The following CDYL2 variants were observed in gnomAD, a reference collection of about 807,000 sequenced individuals.
The protein encoded by CDYL2 is chromodomain Y like 2, also known as chromodomain Y-like protein 2.
In CDYL2, 23 loss-of-function variants were observed where a neutral mutation model predicts 49.4. The observed-to-expected ratio is 0.47, with a 90% CI of 0.34 to 0.66. The LOEUF (loss-of-function observed/expected upper bound fraction) is 0.66. Ranked by LOEUF, CDYL2 falls within the 30% of genes least tolerant of loss-of-function variation. The pLI is 0.01. For missense variants in CDYL2, 678 were observed against 656.4 expected (o/e 1.03, Z -0.36); for synonymous variants, 360 against 268.8 (o/e 1.34, Z -3.32).
chr16:80,753,601 T>C (rs1038386021), intron 1 of CDYL2, among the ~76,000 whole-genome samples: 1 of 150,852 alleles, frequency 6.6e-6, no homozygotes, highest in African/African-American at 2.4e-5. Flanking sequence ...AGAGCAAAAC[T>C]CCATCTCAAA....
intron 1 of CDYL2, among the ~76,000 whole-genome samples, chr16:80,772,314 A>G (rs1359262776): frequency 6.6e-6 from 1 of 152,234 alleles, no homozygotes; most frequent in Non-Finnish European, 1.5e-5. Flanking sequence ...GAAAGTCAAA[A>G]GAATAATAAC....
rs758991617 is a variant in CDYL2 at position 80,684,588 on chromosome 16, T to C, written c.566A>G (p.Asp189Gly). 1 of 1,614,164 alleles carries C rather than the reference T, an allele frequency of 6.2e-7. No homozygotes were observed. Among genetic ancestry groups the C allele is most frequent in the Non-Finnish European group, 8.5e-7 (1 of 1,180,020 alleles). The change falls in exon 2 of 7, where the codon GAT (aspartate) becomes GGT (glycine). Residue 189 changes from aspartate (D) to glycine (G), a missense_variant. Asp to Gly is a moderately conservative substitution (Grantham distance 94). This residue lies in a region of CDYL2 where 478 missense variants were observed against 427.0 expected (regional missense o/e 1.12). Coordinates refer to ENST00000570137, the MANE Select transcript of CDYL2 (RefSeq NM_152342.4). ...GTGATTCACGTCACATTCACCCATA[T>C]CTTGCTCTCCAACATGATCATTCAA... ...LDLNDHVGEQ[D>G]MGECDVNHAT...
rs554158839 is a variant in CDYL2, at chr16:80,793,416, G to A, written c.24+10734C>T. ...ACAAGGTCTAGTGGAAGGCAAAATG[G>A]AAACCTGAATTTCAAGGACAATCTG... On this transcript the variant is annotated intron_variant, in intron 1 of 6. Coordinates refer to ENST00000570137, the MANE Select transcript of CDYL2 (RefSeq NM_152342.4). Among the ~76,000 whole-genome samples the A allele has an allele frequency of 5.3e-5, 8 of 152,304 alleles. No individual in the cohort carries two copies. The East Asian group carries it at 1.3e-3, about 26-fold the overall frequency.
intron 1 of CDYL2, among the ~76,000 whole-genome samples, chr16:80,696,335 T>C (rs558890738): frequency 4.0e-5 from 6 of 151,776 alleles, no homozygotes; most frequent in African/African-American, 1.2e-4. Context: ...CTCAAGGAAC[T>C]AGAAAAGCAA....
In CDYL2 at chr16:80,620,786, G is replaced by A. The variant is rs138973238; in HGVS notation, c.984C>T (p.Ser328=). 2.9e-5 allele frequency: 47 copies of A among 1,608,374 alleles called. No individual in the cohort carries two copies. The African/African-American group carries it at 5.6e-4, about 19-fold the overall frequency. ...GRLSSDRRKE[S]TRIAEAIRDF... Reference sequence around the variant, plus strand: ...ACCTGATGGCTTCTGCAATCCGAGTGCTCTCCTTTCGCCGGTCGCTGGACA... The same window carrying A: ...ACCTGATGGCTTCTGCAATCCGAGTACTCTCCTTTCGCCGGTCGCTGGACA... Residue 328 remains serine, a synonymous_variant, in exon 4 of 7, where the codon AGC becomes AGT. Coordinates refer to ENST00000570137, the MANE Select transcript of CDYL2 (RefSeq NM_152342.4).
rs570675161 is a variant in CDYL2 at position 80,600,420 on chromosome 16, C to T, written c.*3968G>A. On this transcript the variant is annotated 3_prime_UTR_variant, in exon 7 of 7. Coordinates refer to ENST00000570137, the MANE Select transcript of CDYL2 (RefSeq NM_152342.4). Reference sequence around the variant, plus strand: ...TTTCAACCAAAATTTGCAGAAATAACTAAGCAACACTTATCTACAACAAAA... The same window carrying T: ...TTTCAACCAAAATTTGCAGAAATAATTAAGCAACACTTATCTACAACAAAA... 1 of 152,214 alleles carries T rather than the reference C, an allele frequency of 6.6e-6. No homozygotes were observed. Among genetic ancestry groups the T allele is most frequent in the African/African-American group, 2.4e-5 (1 of 41,544 alleles). 9.4% of individuals were successfully genotyped at this position (152,214 alleles called of 1,614,324 possible).
At chr16:80,782,863 A>T (rs944503637) in intron 1 of CDYL2, among the ~76,000 whole-genome samples, 5 of 152,172 alleles carry the variant, frequency 3.3e-5, no homozygotes, top group African/African-American at 1.2e-4. Context: ...ACATCATAAA[A>T]GATAATTAAG....
chr16:80,699,110 A>G (rs1047735363), intron 1 of CDYL2, among the ~76,000 whole-genome samples: 2 of 152,202 alleles, frequency 1.3e-5, no homozygotes, highest in African/African-American at 4.8e-5. Context: ...GGTTCCTCAA[A>G]AAAACTAAAA....
chr16:80,757,695 A>G (rs1906361991), intron 1 of CDYL2, among the ~76,000 whole-genome samples: 1 of 151,914 alleles, frequency 6.6e-6, no homozygotes, highest in African/African-American at 2.4e-5. Context: ...GTATATTCAT[A>G]ATAACAACAA....
At chr16:80,722,329 C>T (rs889220903) in intron 1 of CDYL2, among the ~76,000 whole-genome samples, 1 of 152,156 alleles carries the variant, frequency 6.6e-6, no homozygotes, top group Non-Finnish European at 1.5e-5. Context: ...CTAGGTGATT[C>T]TATTATTCAG....
rs972699965 is a variant in CDYL2 at position 80,608,327 on chromosome 16, G to T, written c.1219-92C>A. ...GGGCTTGCCACCTGCAACCATCCCA[G>T]TTCTGGAAGGCATCTTGCCTTCCAG... On this transcript the variant is annotated intron_variant, in intron 5 of 6. Transcript: ENST00000570137. 9.6e-6 allele frequency: 13 copies of T among 1,347,308 alleles called. 1 individual carries two copies. The highest frequency in any genetic ancestry group is 2.6e-4 in the Middle Eastern group (1 of 3,906). 83.5% of individuals were successfully genotyped at this position (1,347,308 alleles called of 1,614,324 possible).
chr16:80,687,934 C>T (rs1910263756), intron 1 of CDYL2, among the ~76,000 whole-genome samples: 2 of 152,278 alleles, frequency 1.3e-5, no homozygotes, highest in South Asian at 2.1e-4. Flanking sequence ...CAGAATGTTC[C>T]TCCACCTTTC....
intron 1 of CDYL2, among the ~76,000 whole-genome samples, chr16:80,796,224 A>G (rs1396121647): frequency 6.6e-6 from 1 of 152,214 alleles, no homozygotes; most frequent in Non-Finnish European, 1.5e-5. Context: ...GGGAAGCCTC[A>G]GTTCTAGTTT....
rs759587403 is a variant in CDYL2, at chr16:80,599,926, G to A, written c.*4462C>T. 1.6e-4 allele frequency: 24 copies of A among 152,226 alleles called. No individual in the cohort carries two copies. The highest frequency in any genetic ancestry group is 2.1e-4 in the South Asian group (1 of 4,826). The allele number at this position is 152,226 out of a possible 1,614,324, so 9.4% of individuals were successfully genotyped here. A position where few individuals can be genotyped will look rare whatever the true frequency, so the allele number is the denominator to read the frequency against. On this transcript the variant is annotated 3_prime_UTR_variant, in exon 7 of 7. Coordinates refer to ENST00000570137, the MANE Select transcript of CDYL2 (RefSeq NM_152342.4). ...CGCCATCAACTCAATCAAACTCTTCGGATTAGCCATGAATTACAGACTGCA... is the reference window on the plus strand; with the variant it reads ...CGCCATCAACTCAATCAAACTCTTCAGATTAGCCATGAATTACAGACTGCA...
intron 1 of CDYL2, among the ~76,000 whole-genome samples, chr16:80,751,013 C>T (rs949276351): frequency 1.6e-5 from 2 of 126,554 alleles, no homozygotes; most frequent in Non-Finnish European, 3.1e-5. Flanking sequence ...GAGTGAGATT[C>T]CATCTTAAAA....
At chr16:80,785,172 T>C (rs548417087) in intron 1 of CDYL2, among the ~76,000 whole-genome samples, 83 of 152,274 alleles carry the variant, frequency 5.5e-4, no homozygotes, top group African/African-American at 1.6e-3. Context: ...GAAGTGAAAT[T>C]GTTTCTGTTT....
At chr16:80,799,465 T>A (rs914028272) in intron 1 of CDYL2, among the ~76,000 whole-genome samples, 3 of 152,204 alleles carry the variant, frequency 2.0e-5, no homozygotes, top group African/African-American at 7.2e-5. Flanking sequence ...TGGTGGTCTA[T>A]AAATATGAAA....
intron 1 of CDYL2, among the ~76,000 whole-genome samples, chr16:80,769,841 C>T (rs981355458): frequency 1.3e-5 from 2 of 151,974 alleles, no homozygotes; most frequent in Non-Finnish European, 2.9e-5. Flanking sequence ...GTACTAAAAA[C>T]AAAATCAGAC....
At chr16:80,778,794 G>A (rs1226312980) in intron 1 of CDYL2, among the ~76,000 whole-genome samples, 1 of 152,030 alleles carries the variant, frequency 6.6e-6, no homozygotes. Context: ...AATGGAAATT[G>A]TAGAACAGAG....
Sources: gnomAD v4.1 joint callset for allele counts (sites outside exome capture counted in the v4.1 genomes callset) on GRCh38, gnomAD v4.1.1 for gene constraint, gnomAD v4.1.1 regional missense constraint, MANE v1.5 for transcripts, NCBI Gene and HGNC (gene_info 2026-07-23, HGNC 2026-07-21) for gene names.